Variants in DTNA observed in about 807,000 individuals in gnomAD.
DTNA encodes the protein dystrophin-related protein 3.
DTNA carries 43 observed loss-of-function variants against 100.7 expected under a neutral mutation model. The ratio of observed to expected loss-of-function variants is 0.43; its 90% CI spans 0.33 to 0.55. DTNA has a LOEUF of 0.55. Ranked by LOEUF, DTNA falls within the 20% of genes least tolerant of loss-of-function variation. DTNA has a pLI of 0.04. For synonymous variants in DTNA, 349 were observed against 347.9 expected (o/e 1.00, Z -0.04); for missense variants, 798 against 953.9 (o/e 0.84, Z 2.15).
intron 3 of DTNA, among the ~76,000 whole-genome samples, chr18:34,790,681 C>T (rs2094699689): frequency 6.7e-6 from 1 of 149,652 alleles, no homozygotes; most frequent in African/African-American, 2.5e-5. Flanking sequence ...ACGCCATTCT[C>T]CAAGCAGCAT....
At chr18:34,537,436 A>C (rs961835606) in intron 1 of DTNA, among the ~76,000 whole-genome samples, 2 of 152,002 alleles carry the variant, frequency 1.3e-5, no homozygotes, top group African/African-American at 2.4e-5. Context: ...GAAAATAATT[A>C]AGGAAATTGT....
rs750371668 is a variant in DTNA, at chr18:34,838,731, C to T, written c.1254-14C>T. On this transcript the variant is annotated splice_polypyrimidine_tract_variant and intron_variant, in intron 12 of 22. Transcript: ENST00000444659. ...TCTTAACAACACGCTTTCTTTCCCCCTGCCCTGTTTCAGGATACAGTACAG... is the reference window on the plus strand; with the variant it reads ...TCTTAACAACACGCTTTCTTTCCCCTTGCCCTGTTTCAGGATACAGTACAG... 1.9e-6 allele frequency: 3 copies of T among 1,609,478 alleles called. No homozygotes were observed. The highest frequency in any genetic ancestry group is 4.5e-5 in the East Asian group (2 of 44,868).
At chr18:34,757,629 A>G (rs879415716) in intron 2 of DTNA, among the ~76,000 whole-genome samples, 3 of 152,180 alleles carry the variant, frequency 2.0e-5, no homozygotes, top group African/African-American at 7.2e-5. Flanking sequence ...ACAAATACAT[A>G]TGTTACAAAT....
intron 1 of DTNA, among the ~76,000 whole-genome samples, chr18:34,550,423 A>G (rs928011596): frequency 6.6e-6 from 1 of 152,146 alleles, no homozygotes; most frequent in Non-Finnish European, 1.5e-5. Flanking sequence ...AAGCAAGTAG[A>G]AACAGTTACT....
At chr18:34,788,094 C>A (rs546226035) in intron 3 of DTNA, among the ~76,000 whole-genome samples, 1 of 152,216 alleles carries the variant, frequency 6.6e-6, no homozygotes, top group South Asian at 2.1e-4. Context: ...TATTAATGGA[C>A]GACTGGTTTG....
At chr18:34,663,231 G>A (rs2075435464) in intron 1 of DTNA, among the ~76,000 whole-genome samples, 1 of 152,074 alleles carries the variant, frequency 6.6e-6, no homozygotes, top group Non-Finnish European at 1.5e-5. Context: ...GTGGCTCACT[G>A]CAGCCTTGAC....
intron 1 of DTNA, among the ~76,000 whole-genome samples, chr18:34,685,527 T>C (rs1036821433): frequency 5.3e-5 from 8 of 152,216 alleles, no homozygotes; most frequent in African/African-American, 1.9e-4. Context: ...TACCATGCTG[T>C]CTTGGTTACT....
At chr18:34,705,101 C>G (rs545544858) in intron 1 of DTNA, among the ~76,000 whole-genome samples, 1 of 152,264 alleles carries the variant, frequency 6.6e-6, no homozygotes, top group East Asian at 1.9e-4. Context: ...CATAAAAGAG[C>G]CATAATAATT....
chr18:34,561,825 T>C (rs752157394), intron 1 of DTNA, among the ~76,000 whole-genome samples: 9 of 152,190 alleles, frequency 5.9e-5, no homozygotes, highest in Non-Finnish European at 1.3e-4. Flanking sequence ...TATTGACAGT[T>C]TTATTGAATA....
intron 1 of DTNA, among the ~76,000 whole-genome samples, chr18:34,612,148 G>T (rs1203284017): frequency 6.6e-6 from 1 of 152,164 alleles, no homozygotes; most frequent in Non-Finnish European, 1.5e-5. Context: ...GGAGGACCTG[G>T]GCAACAACGG....
intron 15 of DTNA, among the ~76,000 whole-genome samples, chr18:34,854,633 G>A (rs1360371394): frequency 4.6e-5 from 7 of 152,176 alleles, no homozygotes; most frequent in Non-Finnish European, 4.4e-5. Flanking sequence ...TATGTAGTCC[G>A]TTCATTCGGA....
intron 1 of DTNA, chr18:34,493,921 C>G (rs938483355): frequency 2.7e-5 from 4 of 148,278 alleles, no homozygotes; most frequent in African/African-American, 9.8e-5. Flanking sequence ...GCCAGGACTG[C>G]GGCGCGGCGC....
chr18:34,786,722 C>T (rs1166332254), intron 3 of DTNA, among the ~76,000 whole-genome samples: 2 of 152,170 alleles, frequency 1.3e-5, no homozygotes, highest in African/African-American at 4.8e-5. Flanking sequence ...TCCAGCATAA[C>T]TACAATTTCC....
intron 1 of DTNA, among the ~76,000 whole-genome samples, chr18:34,510,000 A>T (rs2040874082): frequency 6.6e-6 from 1 of 151,134 alleles, no homozygotes; most frequent in Admixed American, 6.6e-5. Context: ...AAATAATCTA[A>T]CTTCACTCAC....
Position 34,864,014 on chromosome 18 carries a change from C to T in DTNA, c.1695C>T (p.Ser565=), listed in dbSNP as rs774966330. The T allele has an allele frequency of 8.1e-6, 13 of 1,612,030 alleles. No homozygotes were observed. The highest frequency in any genetic ancestry group is 1.6e-4 in the Middle Eastern group (1 of 6,082). Reference sequence around the variant, plus strand: ...AGAGAATGTCTGCTCTCCAGGAGAGCCGGAGAGAGCTAATGGTCCAGTTGG... The same window carrying T: ...AGAGAATGTCTGCTCTCCAGGAGAGTCGGAGAGAGCTAATGGTCCAGTTGG... ...LEQRMSALQE[S]RRELMVQLEG... is the part of the protein sequence containing the mutation. Residue 565 remains serine, a synonymous_variant, in exon 17 of 23, where the codon AGC becomes AGT. Coordinates refer to ENST00000444659, the MANE Select transcript of DTNA (RefSeq NM_001386795.1).
chr18:34,609,186 T>C (rs1040593536), intron 1 of DTNA, among the ~76,000 whole-genome samples: 1 of 152,088 alleles, frequency 6.6e-6, no homozygotes, highest in African/African-American at 2.4e-5. Context: ...GCTTTCTTTA[T>C]TGTACAAGAT....
intron 1 of DTNA, among the ~76,000 whole-genome samples, chr18:34,745,129 G>A (rs1321828511): frequency 6.6e-6 from 1 of 151,956 alleles, no homozygotes; most frequent in Non-Finnish European, 1.5e-5. Flanking sequence ...GGCTATTACT[G>A]TTATTATTTA....
chr18:34,658,237 A>G (rs1445021391), intron 1 of DTNA, among the ~76,000 whole-genome samples: 1 of 152,222 alleles, frequency 6.6e-6, no homozygotes, highest in African/African-American at 2.4e-5. Context: ...ACTAGCAGTG[A>G]CAAATCAGAC....
chr18:34,710,829 A>G (rs796765845), intron 1 of DTNA, among the ~76,000 whole-genome samples: 9 of 151,972 alleles, frequency 5.9e-5, no homozygotes, highest in African/African-American at 2.2e-4. Flanking sequence ...TTCTTAGAGG[A>G]CACCTTATTA....
Sources: allele counts gnomAD v4.1 joint callset (sites outside exome capture counted in the v4.1 genomes callset), GRCh38; gene constraint gnomAD v4.1.1; transcripts MANE v1.5; gene names NCBI Gene and HGNC (gene_info 2026-07-23, HGNC 2026-07-21).